CYP27C1: variants seen among roughly 807,000 people sequenced by gnomAD.
The protein encoded by CYP27C1 is cytochrome P450 27C1.
CYP27C1 carries 29 observed loss-of-function variants against 40.6 expected under a neutral mutation model. The observed-to-expected ratio is 0.71, with a 90% CI of 0.53 to 0.97. The LOEUF (loss-of-function observed/expected upper bound fraction) is 0.97, where lower values mean the gene tolerates loss of function less well. Among genes scored for constraint, CYP27C1 ranks in the 50% least tolerant of loss-of-function variants. The pLI is 0.00. For synonymous variants in CYP27C1, 198 were observed against 186.8 expected (o/e 1.06, Z -0.49); for missense variants, 390 against 485.8 (o/e 0.80, Z 1.85).
At chr2:127,203,639 C>T (rs1039505536) in intron 2 of CYP27C1, 68 bp from the exon 3 acceptor site, 10 of 1,519,048 alleles carry the variant, frequency 6.6e-6, no homozygotes, top group East Asian at 2.3e-5. Flanking sequence ...ATTCAAGGAA[C>T]CTCTAGAAAA....
chr2:127,205,280 C>T (rs1683200108), intron 2 of CYP27C1, among the ~76,000 whole-genome samples: 1 of 152,154 alleles, frequency 6.6e-6, no homozygotes, highest in Non-Finnish European at 1.5e-5. Context: ...GGCTGTATTT[C>T]TCCCCAATTT....
chr2:127,203,855 A>G (rs1396329558), intron 2 of CYP27C1, among the ~76,000 whole-genome samples: 1 of 152,152 alleles, frequency 6.6e-6, no homozygotes, highest in African/African-American at 2.4e-5. Context: ...GACTTCCTTT[A>G]AAAAATCTTG....
rs888703657 is a variant in CYP27C1, at chr2:127,200,403, T to C, written c.883+719A>G. Among the ~76,000 whole-genome samples the C allele has an allele frequency of 1.3e-5, 2 of 152,198 alleles. No homozygotes were observed. Among genetic ancestry groups the C allele is most frequent in the Admixed American group, 1.3e-4 (2 of 15,282 alleles). The stretch of plus-strand genomic sequence containing the variant: ...TTTGGCAATGCTTTTATAGTAAAAA[T>C]TTTAGTCACATAAGAAAACAAATCT... On this transcript the variant is annotated intron_variant, in intron 4 of 8. Transcript: ENST00000664447. The surrounding 1 kb of genome is among the most constrained non-coding windows in gnomAD (Gnocchi z 4.2).
chr2:127,210,395 C>T (rs938464535), intron 1 of CYP27C1, among the ~76,000 whole-genome samples: 4 of 152,154 alleles, frequency 2.6e-5, no homozygotes, highest in Non-Finnish European at 4.4e-5. Context: ...CAGTACCAGC[C>T]ACTGCAAAAA....
At chr2:127,190,938 T>A (rs1363376897) in intron 8 of CYP27C1, among the ~76,000 whole-genome samples, 1 of 116,040 alleles carries the variant, frequency 8.6e-6, no homozygotes, top group Admixed American at 9.4e-5. Context: ...AGGGTGAGAC[T>A]CTGAAAAAAA....
chr2:127,207,648 T>G (rs1301147697), intron 1 of CYP27C1, among the ~76,000 whole-genome samples: 1 of 150,926 alleles, frequency 6.6e-6, no homozygotes, highest in Admixed American at 6.6e-5. Flanking sequence ...CAGGCCTGGG[T>G]GACAGAGCAA....
Position 127,195,558 on chromosome 2 carries a change from CAG to C in CYP27C1, c.1048-59_1048-58del. On this transcript the variant is annotated intron_variant, in intron 5 of 8. Coordinates refer to ENST00000664447, the MANE Select transcript of CYP27C1 (RefSeq NM_001367502.1). The surrounding 1 kb of genome is among the most constrained non-coding windows in gnomAD (Gnocchi z 6.2). Reference sequence around the variant, plus strand: ...CAGTGAGTAACACCAGGGACTGAAACAGAGGCGGTGGCAGGTAGGAAGTCCCC... The same window carrying C: ...CAGTGAGTAACACCAGGGACTGAAACAGGCGGTGGCAGGTAGGAAGTCCCC... 6.3e-7 allele frequency: 1 copy of C among 1,581,058 alleles called. No individual in the cohort carries two copies. The highest frequency in any genetic ancestry group is 8.6e-7 in the Non-Finnish European group (1 of 1,158,444).
chr2:127,188,884 T>C (rs1192151515), intron 8 of CYP27C1, among the ~76,000 whole-genome samples: 3 of 152,188 alleles, frequency 2.0e-5, no homozygotes, highest in Admixed American at 6.5e-5. Context: ...GCGGAACTCA[T>C]GCCTTTGTCA....
rs764446574 is a variant in CYP27C1, at chr2:127,187,336, C to T, written c.1549G>A (p.Ala517Thr). ...KTSSQTNAVH[A>T]KTHGLLTPGG... Reference sequence around the variant, plus strand: ...GGCGTCAGGAGCCCGTGGGTTTTTGCATGAACAGCATTGGTCTGAGAAGAT... The same window carrying T: ...GGCGTCAGGAGCCCGTGGGTTTTTGTATGAACAGCATTGGTCTGAGAAGAT... The change falls in exon 9 of 9, where the codon GCA becomes ACA. Residue 517 changes from alanine (A) to threonine (T), a missense_variant. By Grantham distance (58) the Ala-to-Thr change is moderately conservative (BLOSUM62 0). Transcript: ENST00000664447. 2 of 1,614,166 alleles carry T rather than the reference C, an allele frequency of 1.2e-6. No homozygotes were observed. The highest frequency in any genetic ancestry group is 1.7e-6 in the Non-Finnish European group (2 of 1,180,028).
At chr2:127,204,406 A>G (rs1183290181) in intron 2 of CYP27C1, among the ~76,000 whole-genome samples, 3 of 137,302 alleles carry the variant, frequency 2.2e-5, no homozygotes, top group Non-Finnish European at 3.2e-5. Context: ...GAGAGAGAGA[A>G]AGAAAGAAAA....
At chr2:127,189,349 G>C (rs934309016) in intron 8 of CYP27C1, among the ~76,000 whole-genome samples, 1 of 152,014 alleles carries the variant, frequency 6.6e-6, no homozygotes, top group Non-Finnish European at 1.5e-5. Context: ...TGTACTGTTG[G>C]GGCAGACGCC....
chr2:127,217,187 A>G (rs1194257521), intron 1 of CYP27C1, among the ~76,000 whole-genome samples: 1 of 152,214 alleles, frequency 6.6e-6, no homozygotes, highest in Non-Finnish European at 1.5e-5. Flanking sequence ...GTGGTGGGCC[A>G]TGGAACTATA....
Position 127,186,528 on chromosome 2 carries a change from A to G in CYP27C1, c.*743T>C, listed in dbSNP as rs959454760. ...ACGATCCTCCTGCCTCAGTCTTCCG[A>G]GTAACTAGGACCATAGGTGTGCACC... On this transcript the variant is annotated 3_prime_UTR_variant, in exon 9 of 9. Transcript: ENST00000664447. This position sits in a 1 kb window ranked among gnomAD's most constrained non-coding sequence, Gnocchi z 4.5. The G allele has an allele frequency of 2.0e-5, 3 of 152,006 alleles. No homozygotes were observed. Among genetic ancestry groups the G allele is most frequent in the Admixed American group, 1.3e-4 (2 of 15,250 alleles). 9.4% of individuals were successfully genotyped at this position (152,006 alleles called of 1,614,324 possible).
rs1051309454 is a variant in CYP27C1, at chr2:127,186,634, C to G, written c.*637G>C. The stretch of plus-strand genomic sequence containing the variant: ...TCAGGCTGGTCTCGAACTTCTGGCT[C>G]AAGCAATCCTCCCACCTTGACCTCC... On this transcript the variant is annotated 3_prime_UTR_variant, in exon 9 of 9. Transcript: ENST00000664447. The surrounding 1 kb of genome is among the most constrained non-coding windows in gnomAD (Gnocchi z 4.5). 1 of 152,220 alleles carries G rather than the reference C, an allele frequency of 6.6e-6. No homozygotes were observed. The highest frequency in any genetic ancestry group is 1.5e-5 in the Non-Finnish European group (1 of 68,122). The allele number at this position is 152,220 out of a possible 1,614,324, so 9.4% of individuals were successfully genotyped here. A position where few individuals can be genotyped will look rare whatever the true frequency, so the allele number is the denominator to read the frequency against.
chr2:127,208,317 G>A lies in CYP27C1; in HGVS notation c.283-2227C>T, dbSNP rs1348907242. Among the ~76,000 whole-genome samples, 1 of 152,160 alleles carries A rather than the reference G, an allele frequency of 6.6e-6. No individual in the cohort carries two copies. The highest frequency in any genetic ancestry group is 1.5e-5 in the Non-Finnish European group (1 of 68,018). ...ACTCCCCCCAGCCAAGGGAGGTGGTGAGTGAGCGGGCTACCCAGCTGGGGA... is the reference window on the plus strand; with the variant it reads ...ACTCCCCCCAGCCAAGGGAGGTGGTAAGTGAGCGGGCTACCCAGCTGGGGA... On this transcript the variant is annotated intron_variant, in intron 1 of 8. Coordinates refer to ENST00000664447, the MANE Select transcript of CYP27C1 (RefSeq NM_001367502.1). The surrounding 1 kb of genome is among the most constrained non-coding windows in gnomAD (Gnocchi z 5.2).
chr2:127,201,792 G>A lies in CYP27C1; in HGVS notation c.674-461C>T, dbSNP rs946776992. Among the ~76,000 whole-genome samples the A allele has an allele frequency of 1.3e-5, 2 of 152,092 alleles. No homozygotes were observed. Among genetic ancestry groups the A allele is most frequent in the Non-Finnish European group, 2.9e-5 (2 of 68,018 alleles). On this transcript the variant is annotated intron_variant, in intron 3 of 8. Transcript: ENST00000664447. This position sits in a 1 kb window ranked among gnomAD's most constrained non-coding sequence, Gnocchi z 6.0. Reference sequence around the variant, plus strand: ...TCTCCCTGCCCCACCTGGCCACTGGGGATCGCCTTCCAGCCACTTGCCCAA... The same window carrying A: ...TCTCCCTGCCCCACCTGGCCACTGGAGATCGCCTTCCAGCCACTTGCCCAA...
intron 1 of CYP27C1, among the ~76,000 whole-genome samples, chr2:127,210,352 C>T (rs1241375323): frequency 6.6e-6 from 1 of 152,130 alleles, no homozygotes; most frequent in African/African-American, 2.4e-5. Flanking sequence ...GCAAGAGCTC[C>T]TAAAAGAAGC....
intron 1 of CYP27C1, among the ~76,000 whole-genome samples, chr2:127,210,347 A>G (rs1266751490): frequency 6.6e-6 from 1 of 152,218 alleles, no homozygotes; most frequent in Non-Finnish European, 1.5e-5. Flanking sequence ...GCCATGCAAG[A>G]GCTCCTAAAA....
In CYP27C1 at chr2:127,209,872, C is replaced by T. The variant is rs1166577019; in HGVS notation, c.283-3782G>A. On this transcript the variant is annotated intron_variant, in intron 1 of 8. Transcript: ENST00000664447. The surrounding 1 kb of genome is among the most constrained non-coding windows in gnomAD (Gnocchi z 4.1). Reference sequence around the variant, plus strand: ...AAAGAAATATGGGACTTCATAAAAACAGCAAACCTACAATCGACTGGAGCA... The same window carrying T: ...AAAGAAATATGGGACTTCATAAAAATAGCAAACCTACAATCGACTGGAGCA... Among the ~76,000 whole-genome samples the T allele has an allele frequency of 6.6e-6, 1 of 152,132 alleles. No individual in the cohort carries two copies. The highest frequency in any genetic ancestry group is 1.5e-5 in the Non-Finnish European group (1 of 68,020).
Sources: gnomAD v4.1 joint callset for allele counts (sites outside exome capture counted in the v4.1 genomes callset) on GRCh38, gnomAD v4.1.1 for gene constraint, Gnocchi (gnomAD v3.1) non-coding constraint, MANE v1.5 for transcripts, NCBI Gene and HGNC (gene_info 2026-07-23, HGNC 2026-07-21) for gene names.